TEX264: variants seen among roughly 807,000 people sequenced by gnomAD.
TEX264 encodes the protein testis expressed 264, ER-phagy receptor, also known as testis-expressed protein 264.
A neutral mutation model predicts 23.4 loss-of-function variants in TEX264; 13 were observed. The ratio of observed to expected loss-of-function variants is 0.56; its 90% CI spans 0.36 to 0.88. TEX264 has a LOEUF of 0.88. TEX264 is among the 40% of genes least tolerant of loss of function. The probability of loss-of-function intolerance (pLI) is 0.01; values close to 1 mark genes in which losing one functional copy is unlikely to be tolerated. For synonymous variants in TEX264, 159 were observed against 170.0 expected (o/e 0.94, Z 0.50); for missense variants, 340 against 406.8 (o/e 0.84, Z 1.41).
At chr3:51,694,105 T>G (rs889677643) in intron 3 of TEX264, among the ~76,000 whole-genome samples, 12 of 142,388 alleles carry the variant, frequency 8.4e-5, no homozygotes, top group African/African-American at 2.4e-4. Context: ...CCTTCCTTCC[T>G]TCCTTCCTTC....
At chr3:51,694,077 T>TTCCG (rs1362318428) in intron 3 of TEX264, among the ~76,000 whole-genome samples, 1,613 of 108,232 alleles carry the variant, frequency 0.015, 45 homozygotes, top group Middle Eastern at 0.032. Flanking sequence ...TTCCCCTTCC[T>TTCCG]TCCGTCCGTC....
chr3:51,671,361 C>T (rs1437904634), intron 1 of TEX264, 73 bp downstream of exon 1: 1 of 152,442 alleles, frequency 6.6e-6, no homozygotes, highest in East Asian at 1.9e-4. Context: ...CGCCCTGGCG[C>T]GACCTCAGGA....
At chr3:51,679,061 A>G (rs1222762051) in intron 2 of TEX264, among the ~76,000 whole-genome samples, 1 of 152,098 alleles carries the variant, frequency 6.6e-6, no homozygotes, top group Non-Finnish European at 1.5e-5. Context: ...TGCCCACTAG[A>G]ACTGTCCTTG....
At position 51,699,559 on chromosome 3, in the gene TEX264, C is replaced by G; in HGVS notation, c.634C>G (p.Gln212Glu). The G allele has an allele frequency of 6.2e-7, 1 of 1,613,938 alleles. No individual in the cohort carries two copies. Among genetic ancestry groups the G allele is most frequent in the Non-Finnish European group, 8.5e-7 (1 of 1,179,878 alleles). The part of the protein sequence containing the change: ...WRGLVEAIDT[Q>E]VDGTGADTMS... ...GGGGCTTGTGGAGGCCATTGACACC[C>G]AGGTGGATGGCACAGGTACAGAAGG... Residue 212 changes from glutamine (Q) to glutamate (E), a missense_variant, in exon 4 of 5, where the codon CAG (glutamine) becomes GAG (glutamate). Gln to Glu is a conservative substitution (Grantham distance 29, BLOSUM62 2). Coordinates refer to ENST00000341333, the MANE Select transcript of TEX264 (RefSeq NM_015926.6).
chr3:51,691,083 T>A lies in TEX264; in HGVS notation c.480+6449T>A, dbSNP rs1173287480. ...CTTTCTCCAACCCTGGTAGTCACAG[T>A]TGGAGGCTGAGGCTTCAGGTCTAGG... On this transcript the variant is annotated intron_variant, in intron 3 of 4. Transcript: ENST00000341333. This position sits in a 1 kb window ranked among gnomAD's most constrained non-coding sequence, Gnocchi z 4.4. Among the ~76,000 whole-genome samples the A allele has an allele frequency of 6.6e-6, 1 of 152,170 alleles. No homozygotes were observed. The highest frequency in any genetic ancestry group is 1.5e-5 in the Non-Finnish European group (1 of 68,014).
At chr3:51,689,729 C>T (rs1702759263) in intron 3 of TEX264, among the ~76,000 whole-genome samples, 1 of 152,204 alleles carries the variant, frequency 6.6e-6, no homozygotes, top group South Asian at 2.1e-4. Flanking sequence ...TGGGCAGATG[C>T]CACCTCCAGT....
At chr3:51,694,044 T>A (rs1490087594) in intron 3 of TEX264, among the ~76,000 whole-genome samples, 2 of 117,248 alleles carry the variant, frequency 1.7e-5, no homozygotes, top group Non-Finnish European at 3.5e-5. Context: ...CCTTCCTTCC[T>A]TCCTCCCTTC....
intron 2 of TEX264, among the ~76,000 whole-genome samples, chr3:51,680,550 T>C (rs1045894378): frequency 6.6e-6 from 1 of 152,216 alleles, no homozygotes; most frequent in Admixed American, 6.5e-5. Context: ...GCCTCTGTTG[T>C]TTTCCTGGTA....
intron 3 of TEX264, 70 bp from the exon 4 acceptor site, chr3:51,699,336 G>A (rs1464767905): frequency 1.3e-6 from 2 of 1,529,560 alleles, no homozygotes; most frequent in East Asian, 4.5e-5. Context: ...ACAGTTCTGG[G>A]GGTCACCCAG....
In TEX264 at chr3:51,684,567, ACAC is replaced by A; in HGVS notation, c.419_421del (p.Thr140del). The A allele has an allele frequency of 6.2e-7, 1 of 1,614,088 alleles. No individual in the cohort carries two copies. The highest frequency in any genetic ancestry group is 8.5e-7 in the Non-Finnish European group (1 of 1,180,004). ...CATGTGGTGACAGCCACCTTCCCCT[ACAC>A]CACCATTCTGTCCATCTGGCTGGCT... On this transcript the variant is annotated inframe_deletion, in exon 3 of 5. Coordinates refer to ENST00000341333, the MANE Select transcript of TEX264 (RefSeq NM_015926.6).
At chr3:51,684,974 A>C (rs2106945924) in intron 3 of TEX264, among the ~76,000 whole-genome samples, 3 of 152,328 alleles carry the variant, frequency 2.0e-5, no homozygotes, top group South Asian at 4.1e-4. Context: ...CTTTATTCTC[A>C]TCCTGCTGGA....
chr3:51,684,749 G>A, intron 3 of TEX264, 115 bp downstream of exon 3: 3 of 974,386 alleles, frequency 3.1e-6, no homozygotes, highest in Non-Finnish European at 4.7e-6. Flanking sequence ...AGCACCCTGG[G>A]GCCCTCATGG....
chr3:51,703,116 C>T lies in TEX264; in HGVS notation c.650-608C>T, dbSNP rs1703373746. On this transcript the variant is annotated intron_variant, in intron 4 of 4. Coordinates refer to ENST00000341333, the MANE Select transcript of TEX264 (RefSeq NM_015926.6). This position sits in a 1 kb window ranked among gnomAD's most constrained non-coding sequence, Gnocchi z 4.8. ...TGAGTATTTCTCAGGCCTTCTCCATCCTCCTCGTACTTCAGCTCCCTCCTC... is the reference window on the plus strand; with the variant it reads ...TGAGTATTTCTCAGGCCTTCTCCATTCTCCTCGTACTTCAGCTCCCTCCTC... Among the ~76,000 whole-genome samples the T allele has an allele frequency of 6.6e-6, 1 of 152,220 alleles. No homozygotes were observed. The highest frequency in any genetic ancestry group is 1.5e-5 in the Non-Finnish European group (1 of 68,030).
chr3:51,682,841 A>G (rs1262822465), intron 2 of TEX264: 2 of 152,250 alleles, frequency 1.3e-5, no homozygotes, highest in African/African-American at 4.8e-5. Flanking sequence ...AGAGCTGCAG[A>G]CAGTTGAGGG....
rs1703390208 is a variant in TEX264, at chr3:51,703,431, G to A, written c.650-293G>A. ...ATGTGGGGGGAGGGCAGCAGGCTTT[G>A]TGGAAGTGCAGGGAGCTGAGGCTAA... On this transcript the variant is annotated intron_variant, in intron 4 of 4. Transcript: ENST00000341333. This position sits in a 1 kb window ranked among gnomAD's most constrained non-coding sequence, Gnocchi z 4.8. 6.6e-6 allele frequency among the ~76,000 whole-genome samples: 1 copy of A among 152,190 alleles called. No individual in the cohort carries two copies. Among genetic ancestry groups the A allele is most frequent in the African/African-American group, 2.4e-5 (1 of 41,450 alleles).
Position 51,703,778 on chromosome 3 carries a change from G to A in TEX264, c.704G>A (p.Ser235Asn). ...GTAAGCTTGGAAGTGAGCCCTGGCAGCCGGGAGACTTCAGCTGCCACACTG... is the reference window on the plus strand; with the variant it reads ...GTAAGCTTGGAAGTGAGCCCTGGCAACCGGGAGACTTCAGCTGCCACACTG... ...SSVSLEVSPG[S>N]RETSAATLSP... Residue 235 changes from serine to asparagine, a missense_variant, in exon 5 of 5, where the codon AGC (serine) becomes AAC (asparagine). Coordinates refer to ENST00000341333, the MANE Select transcript of TEX264 (RefSeq NM_015926.6). The surrounding 1 kb of genome is among the most constrained non-coding windows in gnomAD (Gnocchi z 4.8). 1.2e-6 allele frequency: 2 copies of A among 1,608,562 alleles called. No individual in the cohort carries two copies. The highest frequency in any genetic ancestry group is 1.3e-5 in the African/African-American group (1 of 74,958).
chr3:51,680,605 G>A (rs1408843317), intron 2 of TEX264, among the ~76,000 whole-genome samples: 3 of 152,226 alleles, frequency 2.0e-5, no homozygotes, highest in African/African-American at 7.2e-5. Context: ...TCTTTACCCC[G>A]AGTGGTGGTG....
intron 3 of TEX264, among the ~76,000 whole-genome samples, chr3:51,694,103 CCT>C (rs1236568913): frequency 7.0e-6 from 1 of 142,432 alleles, no homozygotes; most frequent in African/African-American, 2.7e-5. Flanking sequence ...TTCCTTCCTT[CCT>C]TCCTTCCTTC....
chr3:51,685,939 G>T (rs1194490942), intron 3 of TEX264, among the ~76,000 whole-genome samples: 1 of 152,242 alleles, frequency 6.6e-6, no homozygotes, highest in Non-Finnish European at 1.5e-5. Flanking sequence ...CAGTGAGGGA[G>T]TCACAGAGGG....
Sources: allele counts gnomAD v4.1 joint callset (sites outside exome capture counted in the v4.1 genomes callset), GRCh38; gene constraint gnomAD v4.1.1; non-coding constraint Gnocchi (gnomAD v3.1); transcripts MANE v1.5; gene names NCBI Gene and HGNC (gene_info 2026-07-23, HGNC 2026-07-21).